Variants in C1orf87 observed in about 807,000 individuals in gnomAD.
C1orf87 encodes chromosome 1 open reading frame 87.
Under a neutral mutation model 60.5 loss-of-function variants are expected in C1orf87, and 58 were observed. That is an observed-to-expected ratio of 0.96 (90% confidence interval 0.78 to 1.19). The LOEUF (loss-of-function observed/expected upper bound fraction) is 1.19. Ranked by LOEUF, C1orf87 falls within the 50% of genes most tolerant of loss-of-function variation. The pLI is 0.00. For synonymous variants in C1orf87, 236 were observed against 227.4 expected, an observed-to-expected ratio of 1.04 and a Z score of -0.34; for missense variants, 673 against 638.6, an observed-to-expected ratio of 1.05 and a Z score of -0.58.
intron 8 of C1orf87, among the ~76,000 whole-genome samples, chr1:60,018,172 T>C (rs1158207777): frequency 6.6e-6 from 1 of 152,254 alleles, no homozygotes; most frequent in African/African-American, 2.4e-5. Flanking sequence ...CTAAAATGTG[T>C]GTCTAAATTA....
rs748516238 is a variant in C1orf87, at chr1:60,040,995, G to C, written c.479C>G (p.Pro160Arg). The C allele has an allele frequency of 8.7e-6, 14 of 1,608,022 alleles. No individual in the cohort carries two copies. Among genetic ancestry groups the C allele is most frequent in the Non-Finnish European group, 1.7e-6 (2 of 1,176,494 alleles). The change falls in exon 4 of 12, where the codon CCT (proline) becomes CGT (arginine). Residue 160 changes from proline (P) to arginine (R), a missense_variant. Physicochemically the swap from Pro to Arg is moderately radical, Grantham distance 103. Transcript: ENST00000371201. ...AACAACTCTTAGTATACACACCTCAGGTTGGTCAGAGCTGCCTCTCACCAT... is the reference window on the plus strand; with the variant it reads ...AACAACTCTTAGTATACACACCTCACGTTGGTCAGAGCTGCCTCTCACCAT... ...EQMVRGSSDQ[P>R]EDIGQSPSGT...
chr1:60,035,949 G>A (rs1482539189), intron 6 of C1orf87, among the ~76,000 whole-genome samples: 1 of 152,184 alleles, frequency 6.6e-6, no homozygotes, highest in African/African-American at 2.4e-5. Context: ...TATCAGCAAA[G>A]GCTTTCTGTC....
chr1:60,069,469 G>C (rs969162324), intron 2 of C1orf87, among the ~76,000 whole-genome samples: 5 of 150,070 alleles, frequency 3.3e-5, no homozygotes, highest in African/African-American at 9.8e-5. Context: ...CGGTTATAGT[G>C]ACCTAGGAGG....
intron 7 of C1orf87, among the ~76,000 whole-genome samples, chr1:60,028,000 G>T (rs1645212025): frequency 6.6e-6 from 1 of 152,092 alleles, no homozygotes; most frequent in African/African-American, 2.4e-5. Flanking sequence ...ATCACCATTG[G>T]CTAGCAGAGT....
At chr1:60,001,368 A>G (rs1275755738) in intron 9 of C1orf87, among the ~76,000 whole-genome samples, 2 of 152,110 alleles carry the variant, frequency 1.3e-5, no homozygotes, top group Non-Finnish European at 2.9e-5. Flanking sequence ...TAGATGTTAA[A>G]CAATGACTCT....
chr1:60,025,422 A>G lies in C1orf87; in HGVS notation c.1106T>C (p.Leu369Ser). 6.2e-7 allele frequency: 1 copy of G among 1,613,472 alleles called. No individual in the cohort carries two copies. Among genetic ancestry groups the G allele is most frequent in the Non-Finnish European group, 8.5e-7 (1 of 1,179,600 alleles). Residue 369 changes from leucine to serine, a missense_variant, in exon 8 of 12, where the codon TTG becomes TCG. Transcript: ENST00000371201. ...LLETLLNHQD[L>S]GYQNEIKWQN... is the part of the protein sequence containing the mutation. ...TTACTTTATTTCATTTTGGTAACCCAAATCTTGATGGTTAAGCAATGTTTC... is the reference window on the plus strand; with the variant it reads ...TTACTTTATTTCATTTTGGTAACCCGAATCTTGATGGTTAAGCAATGTTTC...
At chr1:60,052,937 G>A (rs1001660779) in intron 3 of C1orf87, among the ~76,000 whole-genome samples, 1 of 152,170 alleles carries the variant, frequency 6.6e-6, no homozygotes, top group Non-Finnish European at 1.5e-5. Flanking sequence ...CCTCCCACAA[G>A]GCCTTCCTTG....
chr1:60,068,436 G>A (rs1161075372), intron 2 of C1orf87, among the ~76,000 whole-genome samples: 2 of 152,152 alleles, frequency 1.3e-5, no homozygotes, highest in African/African-American at 2.4e-5. Flanking sequence ...AAAAACTGTT[G>A]AATAAGAGCA....
At chr1:60,034,264 G>A (rs1333032188) in intron 6 of C1orf87, among the ~76,000 whole-genome samples, 1 of 152,186 alleles carries the variant, frequency 6.6e-6, no homozygotes, top group Non-Finnish European at 1.5e-5. Flanking sequence ...ACAGACTATC[G>A]TTATTTTAAA....
At chr1:60,037,850 A>C (rs1327219447) in intron 6 of C1orf87, 142 bp downstream of exon 6, 1 of 502,542 alleles carries the variant, frequency 2.0e-6, no homozygotes, top group East Asian at 2.9e-5. Flanking sequence ...CCCTGATCTT[A>C]GACTTTCAGC....
At chr1:60,071,720 G>T (rs1411411116) in intron 2 of C1orf87, among the ~76,000 whole-genome samples, 1 of 152,132 alleles carries the variant, frequency 6.6e-6, no homozygotes, top group East Asian at 1.9e-4. Context: ...CTCTCCCAGT[G>T]ATTCTGATGA....
chr1:60,064,803 T>A (rs1446743989), intron 2 of C1orf87, among the ~76,000 whole-genome samples: 1 of 92,762 alleles, frequency 1.1e-5, no homozygotes, highest in Non-Finnish European at 1.9e-5. Context: ...AATATATAAT[T>A]ATATTTAATA....
At chr1:60,028,886 C>T (rs1243717033) in intron 7 of C1orf87, among the ~76,000 whole-genome samples, 2 of 150,714 alleles carry the variant, frequency 1.3e-5, no homozygotes, top group African/African-American at 2.4e-5. Context: ...TTTTGAATTT[C>T]CTTTCTTGGC....
intron 2 of C1orf87, among the ~76,000 whole-genome samples, chr1:60,059,476 C>T (rs749570318): frequency 6.6e-6 from 1 of 152,148 alleles, no homozygotes; most frequent in Non-Finnish European, 1.5e-5. Context: ...CAGTCGTTCC[C>T]TCTCTCACCG....
At chr1:60,071,128 G>A (rs1161969020) in intron 2 of C1orf87, among the ~76,000 whole-genome samples, 1 of 152,070 alleles carries the variant, frequency 6.6e-6, no homozygotes, top group Non-Finnish European at 1.5e-5. Flanking sequence ...CATAAACTGT[G>A]TCCTAGGCAT....
chr1:60,014,291 T>C (rs2100262089), intron 8 of C1orf87, among the ~76,000 whole-genome samples: 1 of 152,228 alleles, frequency 6.6e-6, no homozygotes, highest in South Asian at 2.1e-4. Context: ...GGTGAAGGGA[T>C]AGAGTATTTT....
At chr1:60,059,097 T>C (rs1645476854) in intron 2 of C1orf87, among the ~76,000 whole-genome samples, 1 of 152,050 alleles carries the variant, frequency 6.6e-6, no homozygotes, top group South Asian at 2.1e-4. Context: ...AAAAAATACA[T>C]AGCGCTTTGA....
chr1:60,035,445 C>A (rs767391986), intron 6 of C1orf87, among the ~76,000 whole-genome samples: 6 of 152,190 alleles, frequency 3.9e-5, no homozygotes, highest in Non-Finnish European at 7.3e-5. Flanking sequence ...TGTTGCCACC[C>A]CTACTGCCAC....
At chr1:60,008,548 T>C (rs774968454) in intron 9 of C1orf87, 8 of 281,290 alleles carry the variant, frequency 2.8e-5, no homozygotes, top group Middle Eastern at 4.3e-4. Context: ...TAATCCAATC[T>C]GACTGGTGTC....
Sources: gnomAD v4.1 joint callset for allele counts (sites outside exome capture counted in the v4.1 genomes callset) on GRCh38, gnomAD v4.1.1 for gene constraint, MANE v1.5 for transcripts, NCBI Gene and HGNC (gene_info 2026-07-23, HGNC 2026-07-21) for gene names.